The following MTUS1 variants were observed in gnomAD, a reference collection of about 807,000 sequenced individuals.
The protein encoded by MTUS1 is microtubule-associated tumor suppressor 1.
In MTUS1, 109 loss-of-function variants were observed where a neutral mutation model predicts 120.8. The ratio of observed to expected loss-of-function variants is 0.90; its 90% CI spans 0.77 to 1.06. The LOEUF (loss-of-function observed/expected upper bound fraction) is 1.06, where lower values mean the gene tolerates loss of function less well. MTUS1 is among the 50% of genes least tolerant of loss of function. The pLI is 0.00. For synonymous variants in MTUS1, 737 were observed against 550.5 expected (o/e 1.34, Z -4.74); for missense variants, 2,210 against 1,486.3 (o/e 1.49, Z -8.01).
At chr8:17,746,058 G>A (rs2047719575) in intron 2 of MTUS1, among the ~76,000 whole-genome samples, 3 of 152,206 alleles carry the variant, frequency 2.0e-5, no homozygotes, top group Non-Finnish European at 4.4e-5. Flanking sequence ...TGTACAGCCT[G>A]TGGAACTGTG....
chr8:17,726,368 C>G (rs533884721), intron 3 of MTUS1, among the ~76,000 whole-genome samples: 1 of 152,182 alleles, frequency 6.6e-6, no homozygotes, highest in Non-Finnish European at 1.5e-5. Context: ...GTACTTGTTT[C>G]TATCACAGCA....
chr8:17,660,945 C>T (rs919522958), intron 8 of MTUS1, among the ~76,000 whole-genome samples: 15 of 152,268 alleles, frequency 9.9e-5, no homozygotes, highest in African/African-American at 3.1e-4. Flanking sequence ...CAGGGGCCAT[C>T]GCACGCAACT....
chr8:17,788,173 T>G (rs2051466024), intron 1 of MTUS1, among the ~76,000 whole-genome samples: 1 of 152,086 alleles, frequency 6.6e-6, no homozygotes, highest in Admixed American at 6.5e-5. Context: ...TCTTGATTGG[T>G]GTGATCGTTA....
chr8:17,711,388 C>G (rs1188762063), intron 6 of MTUS1, among the ~76,000 whole-genome samples: 4 of 152,222 alleles, frequency 2.6e-5, no homozygotes, highest in African/African-American at 9.6e-5. Flanking sequence ...TGCTGCTTCG[C>G]CCTGTACTTT....
At chr8:17,768,235 T>C (rs1160340781) in intron 1 of MTUS1, among the ~76,000 whole-genome samples, 2 of 152,228 alleles carry the variant, frequency 1.3e-5, no homozygotes, top group Admixed American at 6.5e-5. Context: ...AGTTTTATAA[T>C]GTTCTCTCTT....
intron 1 of MTUS1, among the ~76,000 whole-genome samples, chr8:17,788,345 A>G (rs533497310): frequency 7.2e-5 from 11 of 152,312 alleles, no homozygotes; most frequent in African/African-American, 2.4e-4. Context: ...ATTGGAATCT[A>G]CAGATTTTTT....
At chr8:17,703,985 G>C (rs1323519657) in intron 6 of MTUS1, 1 of 152,330 alleles carries the variant, frequency 6.6e-6, no homozygotes, top group African/African-American at 2.4e-5. Context: ...TCGCGGCTTA[G>C]GTGGACATCA....
Position 17,709,763 on chromosome 8 carries a change from G to A in MTUS1, c.2623+3451C>T, listed in dbSNP as rs1820901026. On this transcript the variant is annotated intron_variant, in intron 6 of 14. Coordinates refer to ENST00000693296, the MANE Select transcript of MTUS1 (RefSeq NM_001363059.2). ...GTGGCTCACACCTGTAATCCCATCA[G>A]TTTGGGAGGCCGAGGCAGGTGGATC... Among the ~76,000 whole-genome samples the A allele has an allele frequency of 2.0e-5, 3 of 152,010 alleles. No homozygotes were observed. The South Asian group carries it at 6.2e-4, about 31-fold the overall frequency.
chr8:17,742,110 G>A (rs928164208), intron 3 of MTUS1, among the ~76,000 whole-genome samples: 10 of 151,918 alleles, frequency 6.6e-5, no homozygotes, highest in African/African-American at 2.4e-4. Flanking sequence ...CACCACCAAG[G>A]GACAGGGTTT....
intron 2 of MTUS1, among the ~76,000 whole-genome samples, chr8:17,749,947 C>CTTT (rs56184964): frequency 4.6e-5 from 7 of 152,028 alleles, no homozygotes; most frequent in South Asian, 2.1e-4. Flanking sequence ...GAGTTTGACC[C>CTTT]TTTTTTTGAC....
chr8:17,715,924 A>T, intron 4 of MTUS1, 23 bp from the exon 5 acceptor site: 2 of 1,600,152 alleles, frequency 1.2e-6, no homozygotes, highest in Non-Finnish European at 1.7e-6. Flanking sequence ...AGAAAAGTAC[A>T]TTTTATTGTA....
intron 4 of MTUS1, among the ~76,000 whole-genome samples, chr8:17,722,911 G>A (rs57989629): frequency 0.019 from 2,894 of 151,970 alleles, 143 homozygotes; most frequent in East Asian, 0.13. Context: ...AGATCAGTTC[G>A]CCACTCCTCT....
In MTUS1 at chr8:17,723,836, T is replaced by A; in HGVS notation, c.2288-3A>T. 2 of 1,550,412 alleles carry A rather than the reference T, an allele frequency of 1.3e-6. No individual in the cohort carries two copies. The highest frequency in any genetic ancestry group is 2.4e-5 in the South Asian group (2 of 82,832). On this transcript the variant is annotated splice_region_variant and splice_polypyrimidine_tract_variant and intron_variant, in intron 3 of 14. Transcript: ENST00000693296. The stretch of plus-strand genomic sequence containing the variant: ...AGTTTTCAAGGATGTAGGCTTTCCT[T>A]GGGGTTTAAAAAAAACAAAAAGTTT...
intron 4 of MTUS1, among the ~76,000 whole-genome samples, chr8:17,721,038 T>A (rs983709954): frequency 3.3e-5 from 5 of 152,174 alleles, no homozygotes; most frequent in Non-Finnish European, 4.4e-5. Context: ...GAGAACCCAG[T>A]GCTAATTTTA....
In MTUS1 at chr8:17,755,941, G is replaced by C. The variant is rs2048576440; in HGVS notation, c.-134C>G. 1 of 1,430,210 alleles carries C rather than the reference G, an allele frequency of 7.0e-7. No individual in the cohort carries two copies. The highest frequency in any genetic ancestry group is 9.1e-7 in the Non-Finnish European group (1 of 1,097,926). The allele number at this position is 1,430,210 out of a possible 1,614,324, so 88.6% of individuals were successfully genotyped here. On this transcript the variant is annotated 5_prime_UTR_variant, in exon 2 of 15. In the 5' UTR this introduces an upstream ATG that the reference lacks. Transcript: ENST00000693296. ...GGTTTTCAGTCTAAGATGCTCTGAA[G>C]ATTAAATGATTTGTTGTTCCCTGGA...
chr8:17,645,639 T>C lies in MTUS1; in HGVS notation c.*287A>G. 3.6e-6 allele frequency: 1 copy of C among 278,640 alleles called. No individual in the cohort carries two copies. The highest frequency in any genetic ancestry group is 6.6e-6 in the Non-Finnish European group (1 of 150,806). The allele number at this position is 278,640 out of a possible 1,614,324, so 17.3% of individuals were successfully genotyped here. ...CCCTATGCTTAGGTGAAAAAGGCAA[T>C]GAACAAGATGCTCTCGTTCTTTAAG... is the stretch of plus-strand genomic sequence containing the variant. On this transcript the variant is annotated 3_prime_UTR_variant, in exon 15 of 15. Transcript: ENST00000693296.
intron 7 of MTUS1, among the ~76,000 whole-genome samples, chr8:17,678,884 T>C (rs1813672025): frequency 6.6e-6 from 1 of 152,130 alleles, no homozygotes; most frequent in Non-Finnish European, 1.5e-5. Context: ...CTACCATCAA[T>C]ACTGTTGTTC....
intron 1 of MTUS1, among the ~76,000 whole-genome samples, chr8:17,788,027 A>G (rs958915785): frequency 6.6e-6 from 1 of 152,174 alleles, no homozygotes. Context: ...AGGCTGAAGT[A>G]GGAGAATGGC....
intron 3 of MTUS1, among the ~76,000 whole-genome samples, chr8:17,728,611 T>C (rs1178331338): frequency 6.6e-6 from 1 of 152,174 alleles, no homozygotes; most frequent in Non-Finnish European, 1.5e-5. Flanking sequence ...TGTCTCACCA[T>C]AAGGTATGTT....
Sources: gnomAD v4.1 joint callset for allele counts (sites outside exome capture counted in the v4.1 genomes callset) on GRCh38, gnomAD v4.1.1 for gene constraint, MANE v1.5 for transcripts, NCBI Gene and HGNC (gene_info 2026-07-23, HGNC 2026-07-21) for gene names.